MAPK8IP3: variants seen among roughly 807,000 people sequenced by gnomAD.
The protein encoded by MAPK8IP3 is mitogen-activated protein kinase 8 interacting protein 3.
MAPK8IP3 carries 49 observed loss-of-function variants against 157.8 expected under a neutral mutation model. The ratio of observed to expected loss-of-function variants is 0.31; its 90% CI spans 0.25 to 0.39. The LOEUF (loss-of-function observed/expected upper bound fraction) is 0.39, where lower values mean the gene tolerates loss of function less well. MAPK8IP3 is among the 10% of genes least tolerant of loss of function. The pLI is 1.00. For missense variants in MAPK8IP3, 1,478 were observed against 1,889.4 expected (o/e 0.78, Z 4.04); for synonymous variants, 897 against 777.7 (o/e 1.15, Z -2.55).
intron 1 of MAPK8IP3, among the ~76,000 whole-genome samples, chr16:1,719,659 C>T (rs181341829): frequency 7.3e-6 from 1 of 137,366 alleles, no homozygotes; most frequent in Non-Finnish European, 1.5e-5. Flanking sequence ...TAGGGAGACC[C>T]CATCTCTACA....
chr16:1,744,235 G>C (rs1383894429), intron 5 of MAPK8IP3: 13 of 985,502 alleles, frequency 1.3e-5, no homozygotes, highest in Non-Finnish European at 1.3e-5. Flanking sequence ...CCCCGGGTCT[G>C]GTGGATTTCC....
At chr16:1,752,883 G>C (rs1202865612) in intron 8 of MAPK8IP3, among the ~76,000 whole-genome samples, 1 of 152,170 alleles carries the variant, frequency 6.6e-6, no homozygotes, top group African/African-American at 2.4e-5. Flanking sequence ...AACCAGGATG[G>C]ACAAATGAGC....
intron 1 of MAPK8IP3, among the ~76,000 whole-genome samples, chr16:1,723,081 G>A (rs1355770273): frequency 1.3e-5 from 2 of 151,660 alleles, no homozygotes; most frequent in African/African-American, 4.8e-5. Flanking sequence ...TCCCAGGCTG[G>A]AGTACAGTGG....
chr16:1,724,646 G>A lies in MAPK8IP3; in HGVS notation c.408G>A (p.Leu136=). Residue 136 remains leucine (L), a synonymous_variant, in exon 2 of 32, where the codon CTG becomes CTA. Transcript: ENST00000610761. The surrounding 1 kb of genome is among the most constrained non-coding windows in gnomAD (Gnocchi z 4.1). ...ACTACGAGTTCCAGACGCGCCAGCT[G>A]GAGCTGAAGGCCAAGAACTATGCCG... ...VEHYEFQTRQ[L]ELKAKNYADQ... is the part of the protein sequence containing the mutation. 1 of 1,613,594 alleles carries A rather than the reference G, an allele frequency of 6.2e-7. No homozygotes were observed. The highest frequency in any genetic ancestry group is 8.5e-7 in the Non-Finnish European group (1 of 1,179,980).
At position 1,743,589 on chromosome 16, in the gene MAPK8IP3, G is replaced by A. The variant is rs1347128732; in HGVS notation, c.747+113G>A. ...CCCTTCACGGCTCTCTGGGCCACTCGCCCTCTCCCTTCGTGTGTGGCAGGA... is the reference window on the plus strand; with the variant it reads ...CCCTTCACGGCTCTCTGGGCCACTCACCCTCTCCCTTCGTGTGTGGCAGGA... On this transcript the variant is annotated intron_variant, in intron 5 of 31. Transcript: ENST00000610761. This position sits in a 1 kb window ranked among gnomAD's most constrained non-coding sequence, Gnocchi z 5.6. 8.1e-6 allele frequency: 12 copies of A among 1,481,764 alleles called. 1 individual carries two copies. The highest frequency in any genetic ancestry group is 6.5e-5 in the South Asian group (5 of 76,582). The allele number at this position is 1,481,764 out of a possible 1,614,324, so 91.8% of individuals were successfully genotyped here.
In MAPK8IP3 at chr16:1,769,380, C is replaced by T. The variant is rs975668232; in HGVS notation, c.*556C>T. 9 of 158,524 alleles carry T rather than the reference C, an allele frequency of 5.7e-5. No homozygotes were observed. Among genetic ancestry groups the T allele is most frequent in the East Asian group, 3.8e-4 (2 of 5,254 alleles). The allele number at this position is 158,524 out of a possible 1,614,324, so 9.8% of individuals were successfully genotyped here. On this transcript the variant is annotated 3_prime_UTR_variant, in exon 32 of 32. Coordinates refer to ENST00000610761, the MANE Select transcript of MAPK8IP3 (RefSeq NM_001318852.2). Reference sequence around the variant, plus strand: ...CCGGCCTTCTCTGGGGCCTCCCCGTCGTCAAGCCTCTATCCTGTCTGTCCC... The same window carrying T: ...CCGGCCTTCTCTGGGGCCTCCCCGTTGTCAAGCCTCTATCCTGTCTGTCCC...
chr16:1,711,425 A>G (rs1269261389), intron 1 of MAPK8IP3, among the ~76,000 whole-genome samples: 1 of 152,212 alleles, frequency 6.6e-6, no homozygotes, highest in Admixed American at 6.5e-5. Context: ...AGGCCTCAGC[A>G]GGAAGACCCA....
chr16:1,750,548 T>C (rs1390365579), intron 8 of MAPK8IP3, among the ~76,000 whole-genome samples: 2 of 151,970 alleles, frequency 1.3e-5, no homozygotes, highest in Admixed American at 6.5e-5. Context: ...TTTTTATTTT[T>C]TGAAAAAATT....
In MAPK8IP3 at chr16:1,731,387, C is replaced by T. The variant is rs9923133; in HGVS notation, c.602+1809C>T. ...CTTAACAGTCCTTTGCAGACAGGCACACATTAGGGAGAAACGGGAGTCCCT... is the reference window on the plus strand; with the variant it reads ...CTTAACAGTCCTTTGCAGACAGGCATACATTAGGGAGAAACGGGAGTCCCT... On this transcript the variant is annotated intron_variant, in intron 4 of 31. Transcript: ENST00000610761. Among the ~76,000 whole-genome samples the T allele has an allele frequency of 3.7e-3, 571 of 152,298 alleles. 4 individuals carry two copies. Among genetic ancestry groups the T allele is most frequent in the African/African-American group, 0.013 (545 of 41,558 alleles).
At chr16:1,752,442 CG>C (rs2041347395) in intron 8 of MAPK8IP3, 1 of 342,256 alleles carries the variant, frequency 2.9e-6, no homozygotes, top group African/African-American at 2.2e-5. Context: ...AAACGTAATG[CG>C]TATAAGAAAG....
chr16:1,731,931 G>T (rs907788896), intron 4 of MAPK8IP3, among the ~76,000 whole-genome samples: 3 of 152,174 alleles, frequency 2.0e-5, no homozygotes, highest in Non-Finnish European at 4.4e-5. Context: ...CCTTCCACAG[G>T]GTGGGGGTAC....
rs1042708491 is a variant in MAPK8IP3 at position 1,743,550 on chromosome 16, T to G, written c.747+74T>G. The G allele has an allele frequency of 6.5e-7, 1 of 1,549,962 alleles. No individual in the cohort carries two copies. Reference sequence around the variant, plus strand: ...TTCCCCGTTCACTGGGGCGGGAGCCTCGTCTGCAGGCAGCCCTTCACGGCT... The same window carrying G: ...TTCCCCGTTCACTGGGGCGGGAGCCGCGTCTGCAGGCAGCCCTTCACGGCT... On this transcript the variant is annotated intron_variant, in intron 5 of 31. Coordinates refer to ENST00000610761, the MANE Select transcript of MAPK8IP3 (RefSeq NM_001318852.2). This position sits in a 1 kb window ranked among gnomAD's most constrained non-coding sequence, Gnocchi z 5.6.
chr16:1,730,967 C>T (rs1407248505), intron 4 of MAPK8IP3, among the ~76,000 whole-genome samples: 2 of 151,934 alleles, frequency 1.3e-5, no homozygotes, highest in Non-Finnish European at 2.9e-5. Context: ...CGGTGAAACC[C>T]CGTCTCTACT....
intron 8 of MAPK8IP3, 39 bp from the exon 9 acceptor site, chr16:1,758,105 CCCTT>C (rs1567195875): frequency 1.2e-6 from 2 of 1,610,956 alleles, no homozygotes; most frequent in African/African-American, 1.3e-5. Context: ...TGACCTTTGT[CCCTT>C]CCTTCCCCTG....
chr16:1,711,798 G>A (rs2037787271), intron 1 of MAPK8IP3, among the ~76,000 whole-genome samples: 1 of 151,812 alleles, frequency 6.6e-6, no homozygotes, highest in African/African-American at 2.4e-5. Flanking sequence ...AAATTAGCTG[G>A]GCATGGTGAT....
chr16:1,767,232 G>A lies in MAPK8IP3; in HGVS notation c.3172G>A (p.Asp1058Asn), dbSNP rs2042323185. 1.2e-6 allele frequency: 2 copies of A among 1,613,462 alleles called. No individual in the cohort carries two copies. The highest frequency in any genetic ancestry group is 1.7e-6 in the Non-Finnish European group (2 of 1,180,022). ...CATCCGCTGCATGGCTGTTGTGTAC[G>A]ACCGCGTGTGGTGTGGCTACAAGAA... ...HSIRCMAVVY[D>N]RVWCGYKNKV... The change falls in exon 26 of 32, where the codon GAC becomes AAC. Residue 1058 changes from aspartate (D) to asparagine (N), a missense_variant. Asp to Asn is a conservative substitution (Grantham distance 23). This residue lies in a region of MAPK8IP3 where 669 missense variants were observed against 759.8 expected (regional missense o/e 0.88). Coordinates refer to ENST00000610761, the MANE Select transcript of MAPK8IP3 (RefSeq NM_001318852.2).
At position 1,769,144 on chromosome 16, in the gene MAPK8IP3, T is replaced by C. The variant is rs1021448196; in HGVS notation, c.*320T>C. On this transcript the variant is annotated 3_prime_UTR_variant, in exon 32 of 32. Transcript: ENST00000610761. Reference sequence around the variant, plus strand: ...GCGCAGGCAGAATCCGAGGTGGTCCTGGCTCTACCCTGGGCCTCCTACTCC... The same window carrying C: ...GCGCAGGCAGAATCCGAGGTGGTCCCGGCTCTACCCTGGGCCTCCTACTCC... 1 of 379,392 alleles carries C rather than the reference T, an allele frequency of 2.6e-6. No homozygotes were observed. Among genetic ancestry groups the C allele is most frequent in the African/African-American group, 2.1e-5 (1 of 47,978 alleles). The allele number at this position is 379,392 out of a possible 1,614,324, so 23.5% of individuals were successfully genotyped here. A position where few individuals can be genotyped will look rare whatever the true frequency, so the allele number is the denominator to read the frequency against.
chr16:1,767,629 C>G lies in MAPK8IP3; in HGVS notation c.3303C>G (p.Gly1101=), dbSNP rs1208826111. 10 of 1,612,470 alleles carry G rather than the reference C, an allele frequency of 6.2e-6. No individual in the cohort carries two copies. Among genetic ancestry groups the G allele is most frequent in the Non-Finnish European group, 8.5e-6 (10 of 1,179,986 alleles). The change falls in exon 27 of 32, where the codon GGC becomes GGG. Residue 1101 remains glycine, a synonymous_variant. Transcript: ENST00000610761. ...GGCAGCTGGCGTGGATCGGCGATGG[C>G]GTATGGGTGTCCATCCGCCTGGACT... is the stretch of plus-strand genomic sequence containing the variant. ...QVRQLAWIGD[G]VWVSIRLDST...
At chr16:1,734,234 C>T (rs1217589938) in intron 4 of MAPK8IP3, among the ~76,000 whole-genome samples, 1 of 152,280 alleles carries the variant, frequency 6.6e-6, no homozygotes, top group Non-Finnish European at 1.5e-5. Context: ...GCGGCCCTGT[C>T]TCCCTGAGCA....
Sources: allele counts gnomAD v4.1 joint callset (sites outside exome capture counted in the v4.1 genomes callset), GRCh38; gene constraint gnomAD v4.1.1; regional missense constraint gnomAD v4.1.1; non-coding constraint Gnocchi (gnomAD v3.1); transcripts MANE v1.5; gene names NCBI Gene and HGNC (gene_info 2026-07-23, HGNC 2026-07-21).